The following HS3ST4 variants were observed in gnomAD, a reference collection of about 807,000 sequenced individuals.
HS3ST4 encodes heparan sulfate glucosamine 3-O-sulfotransferase 4.
A neutral mutation model predicts 29.2 loss-of-function variants in HS3ST4; 17 were observed. The observed-to-expected ratio is 0.58, with a 90% CI of 0.40 to 0.87. HS3ST4 has a LOEUF of 0.87. Among genes scored for constraint, HS3ST4 ranks in the 40% least tolerant of loss-of-function variants. HS3ST4 has a pLI of 0.00. For missense variants in HS3ST4, 627 were observed against 634.5 expected (o/e 0.99, Z 0.13); for synonymous variants, 314 against 285.7 (o/e 1.10, Z -1.00).
At chr16:25,905,812 T>C (rs1404463633) in intron 1 of HS3ST4, among the ~76,000 whole-genome samples, 1 of 152,204 alleles carries the variant, frequency 6.6e-6, no homozygotes, top group Non-Finnish European at 1.5e-5. Context: ...AGACAAACCC[T>C]TGGTTTCTCC....
At chr16:26,013,693 G>A (rs1969334961) in intron 1 of HS3ST4, among the ~76,000 whole-genome samples, 1 of 152,128 alleles carries the variant, frequency 6.6e-6, no homozygotes, top group Admixed American at 6.6e-5. Context: ...TCAGAGAGAT[G>A]TTCTCAAACT....
At chr16:25,876,963 CTG>C (rs1229777801) in intron 1 of HS3ST4, among the ~76,000 whole-genome samples, 4 of 152,080 alleles carry the variant, frequency 2.6e-5, no homozygotes, top group African/African-American at 9.7e-5. Context: ...AGAAGAAAAA[CTG>C]TGTCTTACTC....
chr16:25,829,470 A>G (rs1967271687), intron 1 of HS3ST4, among the ~76,000 whole-genome samples: 1 of 152,216 alleles, frequency 6.6e-6, no homozygotes, highest in Admixed American at 6.5e-5. Context: ...TTTGTTACGT[A>G]GGTATACATG....
At chr16:25,878,419 G>A (rs181370153) in intron 1 of HS3ST4, among the ~76,000 whole-genome samples, 3 of 152,250 alleles carry the variant, frequency 2.0e-5, no homozygotes, top group African/African-American at 7.2e-5. Flanking sequence ...GCTCAGAAGT[G>A]CTAGTATCTA....
At chr16:25,953,029 G>A (rs981763131) in intron 1 of HS3ST4, among the ~76,000 whole-genome samples, 4 of 152,156 alleles carry the variant, frequency 2.6e-5, no homozygotes, top group Non-Finnish European at 5.9e-5. Context: ...TGAGGGCTAG[G>A]TTTCTGTATG....
At chr16:25,845,477 T>G (rs191584718) in intron 1 of HS3ST4, among the ~76,000 whole-genome samples, 12 of 152,096 alleles carry the variant, frequency 7.9e-5, no homozygotes, top group African/African-American at 2.9e-4. Context: ...CCACTGCACT[T>G]CAGCCTGGGC....
At chr16:25,871,072 G>A (rs753063372) in intron 1 of HS3ST4, among the ~76,000 whole-genome samples, 2 of 152,190 alleles carry the variant, frequency 1.3e-5, no homozygotes, top group Non-Finnish European at 2.9e-5. Context: ...GAGTATGTTA[G>A]TTTGGATCTT....
At chr16:25,856,060 A>T (rs1416966191) in intron 1 of HS3ST4, among the ~76,000 whole-genome samples, 2 of 152,050 alleles carry the variant, frequency 1.3e-5, no homozygotes, top group Non-Finnish European at 2.9e-5. Flanking sequence ...TGTTCTCTCC[A>T]ATTCCCCACC....
intron 1 of HS3ST4, among the ~76,000 whole-genome samples, chr16:25,731,626 C>T (rs1966570552): frequency 6.6e-6 from 1 of 152,176 alleles, no homozygotes; most frequent in African/African-American, 2.4e-5. Flanking sequence ...CAGGTGTGAG[C>T]CACCACACTT....
At chr16:26,124,182 A>C (rs970815711) in intron 1 of HS3ST4, among the ~76,000 whole-genome samples, 2 of 152,188 alleles carry the variant, frequency 1.3e-5, no homozygotes, top group Admixed American at 6.5e-5. Flanking sequence ...GGCCTCCTAA[A>C]GTGCTGGGAT....
At chr16:25,866,335 T>C (rs990613817) in intron 1 of HS3ST4, among the ~76,000 whole-genome samples, 3 of 151,992 alleles carry the variant, frequency 2.0e-5, no homozygotes, top group Non-Finnish European at 4.4e-5. Context: ...GCTTAGAGAG[T>C]TTATTCTTCT....
chr16:25,741,364 G>GAAAAAAAA (rs1567230900), intron 1 of HS3ST4, among the ~76,000 whole-genome samples: 1 of 13,812 alleles, frequency 7.2e-5, no homozygotes, highest in African/African-American at 2.2e-4. Context: ...TGAATTCAAG[G>GAAAAAAAA]TAAAAAAAAA....
At chr16:25,910,732 C>A (rs1968230332) in intron 1 of HS3ST4, among the ~76,000 whole-genome samples, 1 of 152,120 alleles carries the variant, frequency 6.6e-6, no homozygotes, top group Non-Finnish European at 1.5e-5. Context: ...CCATTTTCCA[C>A]TGAAATTCCA....
chr16:25,776,384 C>G (rs780385442), intron 1 of HS3ST4, among the ~76,000 whole-genome samples: 4 of 152,166 alleles, frequency 2.6e-5, no homozygotes, highest in Non-Finnish European at 5.9e-5. Context: ...AGAGGCTCAT[C>G]AGAAACTCAA....
intron 1 of HS3ST4, among the ~76,000 whole-genome samples, chr16:25,694,758 G>T (rs1353926784): frequency 2.7e-5 from 4 of 150,938 alleles, no homozygotes; most frequent in Admixed American, 1.3e-4. Context: ...GCCTTATGAG[G>T]GTAATTGCGT....
intron 1 of HS3ST4, among the ~76,000 whole-genome samples, chr16:25,961,211 C>T (rs1968789983): frequency 6.6e-6 from 1 of 152,134 alleles, no homozygotes; most frequent in Non-Finnish European, 1.5e-5. Flanking sequence ...CAATATGTAT[C>T]CTGGGATCTG....
rs372976907 is a variant in HS3ST4 at position 25,812,077 on chromosome 16, T to C, written c.734+118926T>C. ...TATGCGGTCTACTGTTGATGGGCAT[T>C]GAGGTTGATCCCATCAGATTTTCTT... On this transcript the variant is annotated intron_variant, in intron 1 of 1. Coordinates refer to ENST00000331351, the MANE Select transcript of HS3ST4 (RefSeq NM_006040.3). Among the ~76,000 whole-genome samples the C allele has an allele frequency of 9.2e-5, 14 of 152,280 alleles. No individual in the cohort carries two copies. The East Asian group carries it at 1.2e-3, about 13-fold the overall frequency.
chr16:26,038,052 A>G (rs117914909), intron 1 of HS3ST4, among the ~76,000 whole-genome samples: 4,021 of 152,220 alleles, frequency 0.026, 75 homozygotes, highest in Non-Finnish European at 0.041. Flanking sequence ...CTTACATGAT[A>G]TGGATGTATC....
At chr16:25,918,522 A>G (rs925532368) in intron 1 of HS3ST4, among the ~76,000 whole-genome samples, 3 of 152,254 alleles carry the variant, frequency 2.0e-5, no homozygotes, top group Non-Finnish European at 4.4e-5. Context: ...ATGTAGCATG[A>G]GTAGTTTAGA....
Sources: gnomAD v4.1 joint callset for allele counts (sites outside exome capture counted in the v4.1 genomes callset) on GRCh38, gnomAD v4.1.1 for gene constraint, MANE v1.5 for transcripts, NCBI Gene and HGNC (gene_info 2026-07-23, HGNC 2026-07-21) for gene names.